Variants in FOCAD observed in about 807,000 individuals in gnomAD.
FOCAD encodes focadhesin, also known as KIAA1797.
Under a neutral mutation model 225.6 loss-of-function variants are expected in FOCAD, and 198 were observed. The observed-to-expected ratio is 0.88, with a 90% CI of 0.78 to 0.99. The LOEUF (loss-of-function observed/expected upper bound fraction) is 0.99, where lower values mean the gene tolerates loss of function less well. FOCAD is among the 50% of genes least tolerant of loss of function. The pLI is 0.00. For synonymous variants in FOCAD, 897 were observed against 755.0 expected (o/e 1.19, Z -3.08); for missense variants, 2,713 against 2,123.6 (o/e 1.28, Z -5.46).
At chr9:20,907,840 C>T (rs959938907) in intron 22 of FOCAD, among the ~76,000 whole-genome samples, 13 of 152,196 alleles carry the variant, frequency 8.5e-5, no homozygotes, top group African/African-American at 3.1e-4. Flanking sequence ...ATGTGCCTTA[C>T]TTCTCTCCCC....
At chr9:20,785,809 T>G (rs921756220) in intron 10 of FOCAD, among the ~76,000 whole-genome samples, 10 of 152,212 alleles carry the variant, frequency 6.6e-5, no homozygotes, top group African/African-American at 1.9e-4. Context: ...ACTCTATGTT[T>G]CACAGTTTGG....
chr9:20,855,248 G>A (rs1007453452), intron 15 of FOCAD, among the ~76,000 whole-genome samples: 1 of 151,442 alleles, frequency 6.6e-6, no homozygotes, highest in Non-Finnish European at 1.5e-5. Flanking sequence ...TAAATAAAAT[G>A]TATATATTCC....
intron 35 of FOCAD, among the ~76,000 whole-genome samples, chr9:20,964,840 A>G (rs1429494430): frequency 6.6e-6 from 1 of 152,108 alleles, no homozygotes; most frequent in Non-Finnish European, 1.5e-5. Context: ...ACATTTCAAC[A>G]AAGTGAAAGA....
chr9:20,882,208 C>T (rs904427620), intron 20 of FOCAD, 152 bp downstream of exon 20: 16 of 672,554 alleles, frequency 2.4e-5, no homozygotes, highest in Non-Finnish European at 3.0e-5. Context: ...TAAAAGACAT[C>T]GCAGAACTGT....
chr9:20,928,692 C>A (rs937478273), intron 26 of FOCAD, among the ~76,000 whole-genome samples: 1 of 152,142 alleles, frequency 6.6e-6, no homozygotes, highest in African/African-American at 2.4e-5. Flanking sequence ...GCATATAGAG[C>A]TCTCCATTTC....
At position 20,973,372 on chromosome 9, in the gene FOCAD, C is replaced by T. The variant is rs572560124; in HGVS notation, c.4133-3048C>T. On this transcript the variant is annotated intron_variant, in intron 35 of 43. Coordinates refer to ENST00000338382, the MANE Select transcript of FOCAD (RefSeq NM_001375567.1). ...TCTGCTTCTCCTTTTTCCCATGTTT[C>T]TCCTTTCTGCAGCTTTTTTTTTTTT... 3.3e-5 allele frequency among the ~76,000 whole-genome samples: 5 copies of T among 151,702 alleles called. No homozygotes were observed. The East Asian group carries it at 9.7e-4, about 29-fold the overall frequency.
At position 20,938,189 on chromosome 9, in the gene FOCAD, G is replaced by A. The variant is rs377482066; in HGVS notation, c.3407+5086G>A. 1.4e-4 allele frequency among the ~76,000 whole-genome samples: 21 copies of A among 152,274 alleles called. 1 individual carries two copies. The highest frequency in any genetic ancestry group is 6.5e-4 in the Admixed American group (10 of 15,290). The stretch of plus-strand genomic sequence containing the variant: ...CAGTGTGGCGATTCCTCAGGGATCT[G>A]GAACTAGAAATACCATTTGACCCAG... On this transcript the variant is annotated intron_variant, in intron 28 of 43. Coordinates refer to ENST00000338382, the MANE Select transcript of FOCAD (RefSeq NM_001375567.1).
chr9:20,787,233 T>C (rs1163919164), intron 10 of FOCAD, among the ~76,000 whole-genome samples: 1 of 152,232 alleles, frequency 6.6e-6, no homozygotes, highest in Non-Finnish European at 1.5e-5. Flanking sequence ...TTCATGGTAA[T>C]TTCCAAATTA....
chr9:20,916,904 T>C lies in FOCAD; in HGVS notation c.2819T>C (p.Met940Thr). 1 of 1,606,448 alleles carries C rather than the reference T, an allele frequency of 6.2e-7. No individual in the cohort carries two copies. The highest frequency in any genetic ancestry group is 2.2e-5 in the East Asian group (1 of 44,562). The change falls in exon 24 of 44, where the codon ATG becomes ACG. Residue 940 changes from methionine (M) to threonine (T), a missense_variant. Transcript: ENST00000338382. ...CATCTTTATTGCAGGGTTAGAGACATGCTGACTGATGAGATCACCAAGGCA... is the reference window on the plus strand; with the variant it reads ...CATCTTTATTGCAGGGTTAGAGACACGCTGACTGATGAGATCACCAAGGCA... ...KSTAWLWVRD[M>T]LTDEITKAAA...
chr9:20,946,956 T>C, intron 30 of FOCAD, 136 bp downstream of exon 30: 1 of 1,078,206 alleles, frequency 9.3e-7, no homozygotes, highest in Admixed American at 3.1e-5. Context: ...ACTATTCTCT[T>C]TTCTCACAGC....
intron 28 of FOCAD, among the ~76,000 whole-genome samples, chr9:20,934,301 G>GT (rs1381276864): frequency 6.6e-6 from 1 of 152,092 alleles, no homozygotes; most frequent in Non-Finnish European, 1.5e-5. Flanking sequence ...GTCTAGAAGG[G>GT]TTTTTCCAGT....
chr9:20,873,432 C>T (rs1026631916), intron 18 of FOCAD, among the ~76,000 whole-genome samples: 10 of 152,264 alleles, frequency 6.6e-5, no homozygotes, highest in African/African-American at 1.4e-4. Flanking sequence ...AAAAGGTTTG[C>T]GAACATGCCA....
At chr9:20,925,275 A>C (rs1189433426) in intron 25 of FOCAD, among the ~76,000 whole-genome samples, 1 of 152,190 alleles carries the variant, frequency 6.6e-6, no homozygotes, top group Admixed American at 6.5e-5. Context: ...CTAAAATGTC[A>C]ATGCCCCTTT....
At chr9:20,956,368 T>C (rs1041512932) in intron 35 of FOCAD, among the ~76,000 whole-genome samples, 24 of 152,212 alleles carry the variant, frequency 1.6e-4, no homozygotes, top group African/African-American at 4.8e-4. Flanking sequence ...TTAAAAAATA[T>C]TATCAGAAGT....
chr9:20,832,054 G>C (rs1564046713), intron 15 of FOCAD, among the ~76,000 whole-genome samples: 1 of 152,040 alleles, frequency 6.6e-6, no homozygotes, highest in Non-Finnish European at 1.5e-5. Flanking sequence ...TTAGGGTTGA[G>C]TAATACTGTG....
chr9:20,671,233 G>T (rs1015297093), intron 2 of FOCAD, among the ~76,000 whole-genome samples: 1 of 151,292 alleles, frequency 6.6e-6, no homozygotes, highest in Non-Finnish European at 1.5e-5. Context: ...AAATTACATA[G>T]ATACAAACAT....
At chr9:20,901,969 G>C (rs907655496) in intron 21 of FOCAD, among the ~76,000 whole-genome samples, 1 of 151,810 alleles carries the variant, frequency 6.6e-6, no homozygotes, top group African/African-American at 2.4e-5. Flanking sequence ...TTTAAATTTT[G>C]TGTTTCCAGA....
chr9:20,731,321 A>G (rs1040343162), intron 4 of FOCAD, among the ~76,000 whole-genome samples: 1 of 152,226 alleles, frequency 6.6e-6, no homozygotes, highest in Non-Finnish European at 1.5e-5. Context: ...TTGCTTGATA[A>G]TATAAGGATA....
chr9:20,944,016 T>C (rs1836926855), intron 28 of FOCAD, among the ~76,000 whole-genome samples: 1 of 152,356 alleles, frequency 6.6e-6, no homozygotes, highest in Non-Finnish European at 1.5e-5. Context: ...CCATTTTCTC[T>C]TCTGACCCAG....
Sources: allele counts gnomAD v4.1 joint callset (sites outside exome capture counted in the v4.1 genomes callset), GRCh38; gene constraint gnomAD v4.1.1; transcripts MANE v1.5; gene names NCBI Gene and HGNC (gene_info 2026-07-23, HGNC 2026-07-21).